IL1RAPL1: variants seen among roughly 807,000 people sequenced by gnomAD.
IL1RAPL1 encodes interleukin 1 receptor accessory protein like 1, also known as interleukin-1 receptor accessory protein-like 1.
In IL1RAPL1, 3 loss-of-function variants were observed where a neutral mutation model predicts 48.4. That is an observed-to-expected ratio of 0.06 (90% confidence interval 0.03 to 0.16). IL1RAPL1 has a LOEUF of 0.16. Ranked by LOEUF, IL1RAPL1 falls within the 10% of genes least tolerant of loss-of-function variation. IL1RAPL1 has a pLI of 1.00. For synonymous variants in IL1RAPL1, 185 were observed against 187.7 expected (o/e 0.99, Z 0.12); for missense variants, 349 against 530.6 (o/e 0.66, Z 3.36).
intron 1 of IL1RAPL1, among the ~76,000 whole-genome samples, chrX:28,746,511 C>G (rs1475884919): frequency 9.0e-6 from 1 of 111,246 alleles, no homozygotes; most frequent in Non-Finnish European, 1.9e-5. Context: ...TTTTGATATC[C>G]TATTTTATAA....
intron 5 of IL1RAPL1, among the ~76,000 whole-genome samples, chrX:29,529,557 G>A (rs756900875): frequency 1.7e-3 from 177 of 105,170 alleles, no homozygotes; most frequent in African/African-American, 5.4e-3. Flanking sequence ...AGCCGAGATC[G>A]TGCCACTGCA....
intron 1 of IL1RAPL1, among the ~76,000 whole-genome samples, chrX:28,643,480 A>T (rs1442385205): frequency 9.0e-6 from 1 of 111,194 alleles, no homozygotes. Context: ...TGAGAAAACT[A>T]CATAAGGGCA....
intron 2 of IL1RAPL1, among the ~76,000 whole-genome samples, chrX:29,151,884 C>T (rs1465070345): frequency 9.0e-6 from 1 of 111,491 alleles, no homozygotes; most frequent in Non-Finnish European, 1.9e-5. Flanking sequence ...AGATACTGGC[C>T]AGGGGAGTTT....
intron 2 of IL1RAPL1, among the ~76,000 whole-genome samples, chrX:29,126,251 A>G (rs1010356082): frequency 8.9e-6 from 1 of 111,788 alleles, no homozygotes; most frequent in Admixed American, 9.5e-5. Flanking sequence ...ATGTTTTCAC[A>G]GAGTGATAAT....
intron 2 of IL1RAPL1, among the ~76,000 whole-genome samples, chrX:29,127,511 G>T (rs1314061814): frequency 8.9e-5 from 10 of 111,808 alleles, no homozygotes; most frequent in Admixed American, 8.6e-4. Flanking sequence ...ACTGCTCTTT[G>T]CGTCTTTGCA....
At chrX:28,746,053 T>A (rs1935973189) in intron 1 of IL1RAPL1, among the ~76,000 whole-genome samples, 2 of 111,725 alleles carry the variant, frequency 1.8e-5, no homozygotes. Context: ...ATTCTTTTTT[T>A]AAATTATTAT....
chrX:29,584,145 G>A (rs1923075813), intron 5 of IL1RAPL1, among the ~76,000 whole-genome samples: 1 of 110,897 alleles, frequency 9.0e-6, no homozygotes, highest in Admixed American at 9.6e-5. Context: ...TTGTTTATGC[G>A]GTCTTCCCAG....
chrX:28,674,418 G>A lies in IL1RAPL1; in HGVS notation c.-25+86371G>A, dbSNP rs1005597814. ...TAAGTATCTATTTTGTGTCAGCTATGGAGATAGACTTTGGGGAAATACCGT... is the reference window on the plus strand; with the variant it reads ...TAAGTATCTATTTTGTGTCAGCTATAGAGATAGACTTTGGGGAAATACCGT... On this transcript the variant is annotated intron_variant, in intron 1 of 10. Coordinates refer to ENST00000378993, the MANE Select transcript of IL1RAPL1 (RefSeq NM_014271.4). Among the ~76,000 whole-genome samples the A allele has an allele frequency of 4.5e-5, 5 of 111,517 alleles. No homozygotes were observed. The Admixed American group carries it at 4.8e-4, about 11-fold the overall frequency.
At chrX:29,228,970 A>C (rs1010548686) in intron 2 of IL1RAPL1, among the ~76,000 whole-genome samples, 1 of 111,595 alleles carries the variant, frequency 9.0e-6, no homozygotes, top group African/African-American at 3.3e-5. Flanking sequence ...GGTGGGCTGC[A>C]ATTACTGGCT....
In IL1RAPL1 at chrX:28,740,011, T is replaced by G. The variant is rs112532276; in HGVS notation, c.-24-49309T>G. On this transcript the variant is annotated intron_variant, in intron 1 of 10. Coordinates refer to ENST00000378993, the MANE Select transcript of IL1RAPL1 (RefSeq NM_014271.4). ...TTAATTCCCAGTGCTCATTATAGTTTATGGCATAAAAAGTTGGTGCTCAAT... is the reference window on the plus strand; with the variant it reads ...TTAATTCCCAGTGCTCATTATAGTTGATGGCATAAAAAGTTGGTGCTCAAT... 4.6e-3 allele frequency among the ~76,000 whole-genome samples: 515 copies of G among 111,250 alleles called. 4 individuals are homozygous for G. The highest frequency in any genetic ancestry group is 0.016 in the African/African-American group (484 of 30,648).
chrX:29,577,130 A>G (rs967299718), intron 5 of IL1RAPL1, among the ~76,000 whole-genome samples: 6 of 111,224 alleles, frequency 5.4e-5, no homozygotes, highest in Admixed American at 1.9e-4. Context: ...ATTCAATACT[A>G]TTTTCTCTGT....
chrX:29,211,900 C>G (rs1378055071), intron 2 of IL1RAPL1, among the ~76,000 whole-genome samples: 3 of 111,183 alleles, frequency 2.7e-5, no homozygotes, highest in Admixed American at 9.6e-5. Flanking sequence ...TGGATCTTCC[C>G]TTTCTATACT....
Position 29,615,513 on chromosome X carries a change from A to G in IL1RAPL1, c.704-52917A>G, listed in dbSNP as rs766294247. Among the ~76,000 whole-genome samples the G allele has an allele frequency of 1.2e-4, 13 of 111,000 alleles. No individual in the cohort carries two copies. The South Asian group carries it at 4.6e-3, about 39-fold the overall frequency. Reference sequence around the variant, plus strand: ...GTATGCTTTGCAGCAGCAACAGCACACCTGCCCAGACCACTGCAGCAAAGG... The same window carrying G: ...GTATGCTTTGCAGCAGCAACAGCACGCCTGCCCAGACCACTGCAGCAAAGG... On this transcript the variant is annotated intron_variant, in intron 5 of 10. Transcript: ENST00000378993.
chrX:28,797,786 G>A (rs1010221485), intron 2 of IL1RAPL1, among the ~76,000 whole-genome samples: 3 of 111,563 alleles, frequency 2.7e-5, no homozygotes, highest in Non-Finnish European at 5.6e-5. Flanking sequence ...TGCATTTTCC[G>A]GTATCTTTTC....
At chrX:28,694,957 A>G (rs770076536) in intron 1 of IL1RAPL1, among the ~76,000 whole-genome samples, 3 of 110,420 alleles carry the variant, frequency 2.7e-5, no homozygotes, top group Non-Finnish European at 5.7e-5. Flanking sequence ...TTGTCTGCTC[A>G]TTCCTGTTAA....
At chrX:29,841,346 C>T (rs1255038066) in intron 6 of IL1RAPL1, among the ~76,000 whole-genome samples, 1 of 111,276 alleles carries the variant, frequency 9.0e-6, no homozygotes, top group Non-Finnish European at 1.9e-5. Context: ...AGATATGATC[C>T]ATATTTATTA....
chrX:29,840,888 C>A (rs1010831327), intron 6 of IL1RAPL1, among the ~76,000 whole-genome samples: 1 of 112,102 alleles, frequency 8.9e-6, no homozygotes, highest in Non-Finnish European at 1.9e-5. Context: ...TATTCTCTAT[C>A]ATTCCAATGA....
At chrX:28,654,912 G>T (rs1479873591) in intron 1 of IL1RAPL1, among the ~76,000 whole-genome samples, 1 of 111,732 alleles carries the variant, frequency 8.9e-6, no homozygotes, top group Non-Finnish European at 1.9e-5. Flanking sequence ...TTTATAGGGA[G>T]AAATATTTTT....
At chrX:28,648,582 G>A (rs1021408572) in intron 1 of IL1RAPL1, among the ~76,000 whole-genome samples, 2 of 111,959 alleles carry the variant, frequency 1.8e-5, no homozygotes, top group Non-Finnish European at 3.8e-5. Flanking sequence ...CAAAGGTGAA[G>A]GCAAGGTCGG....
Sources: gnomAD v4.1 joint callset for allele counts (sites outside exome capture counted in the v4.1 genomes callset) on GRCh38, gnomAD v4.1.1 for gene constraint, MANE v1.5 for transcripts, NCBI Gene and HGNC (gene_info 2026-07-23, HGNC 2026-07-21) for gene names.